MMP2: variants seen among roughly 807,000 people sequenced by gnomAD.
MMP2 encodes matrix metallopeptidase 2, also known as 72 kDa type IV collagenase.
MMP2 carries 39 observed loss-of-function variants against 74.8 expected under a neutral mutation model. That is an observed-to-expected ratio of 0.52 (90% confidence interval 0.40 to 0.68). MMP2 has a LOEUF of 0.68. Ranked by LOEUF, MMP2 falls within the 30% of genes least tolerant of loss-of-function variation. The probability of loss-of-function intolerance (pLI) is 0.00; values close to 1 mark genes in which losing one functional copy is unlikely to be tolerated. For missense variants in MMP2, 803 were observed against 878.3 expected, an observed-to-expected ratio of 0.91 and a Z score of 1.08; for synonymous variants, 367 against 339.8, an observed-to-expected ratio of 1.08 and a Z score of -0.88.
rs1962315500 is a variant in MMP2, at chr16:55,488,546, T to C, written c.836T>C (p.Leu279Pro). The C allele has an allele frequency of 6.2e-7, 1 of 1,613,658 alleles. No homozygotes were observed. The highest frequency in any genetic ancestry group is 1.1e-5 in the South Asian group (1 of 90,928). The change falls in exon 6 of 13, where the codon CTG becomes CCG. Residue 279 changes from leucine to proline, a missense_variant. Coordinates refer to ENST00000219070, the MANE Select transcript of MMP2 (RefSeq NM_004530.6). The part of the protein sequence containing the change: ...GKYGFCPHEA[L>P]FTMGGNAEGQ... Reference sequence around the variant, plus strand: ...TCCCTCTCTCCCCCACCCTTAGCCCTGTTCACCATGGGCGGCAACGCTGAA... The same window carrying C: ...TCCCTCTCTCCCCCACCCTTAGCCCCGTTCACCATGGGCGGCAACGCTGAA...
chr16:55,490,051 A>G (rs1287093008), intron 7 of MMP2, among the ~76,000 whole-genome samples: 5 of 152,160 alleles, frequency 3.3e-5, no homozygotes, highest in African/African-American at 1.2e-4. Flanking sequence ...CTCCAAAATC[A>G]GACCCTGGTA....
chr16:55,502,925 C>G (rs778904620), intron 12 of MMP2, 37 bp downstream of exon 12: 2 of 1,533,534 alleles, frequency 1.3e-6, no homozygotes, highest in South Asian at 2.2e-5. Context: ...TTCTAGGACT[C>G]CCCGCCCCTA....
intron 1 of MMP2, 74 bp from the exon 2 acceptor site, chr16:55,482,835 G>C: frequency 1.5e-6 from 2 of 1,300,612 alleles, no homozygotes; most frequent in Non-Finnish European, 1.1e-6. Flanking sequence ...GGGGCTGATT[G>C]CTACAGCCTG....
intron 12 of MMP2, among the ~76,000 whole-genome samples, chr16:55,503,881 C>T (rs1962730207): frequency 6.6e-6 from 1 of 152,122 alleles, no homozygotes; most frequent in Non-Finnish European, 1.5e-5. Context: ...AGGCAGCTGC[C>T]ATGGTTCACA....
chr16:55,490,796 A>C (rs1962385947), intron 7 of MMP2, among the ~76,000 whole-genome samples: 1 of 152,192 alleles, frequency 6.6e-6, no homozygotes, highest in South Asian at 2.1e-4. Flanking sequence ...TTACCAGCTT[A>C]AAGGTGGGAT....
intron 1 of MMP2, among the ~76,000 whole-genome samples, 187 bp from the exon 2 acceptor site, chr16:55,482,722 C>T (rs752172789): frequency 6.6e-6 from 1 of 152,214 alleles, no homozygotes; most frequent in Non-Finnish European, 1.5e-5. Context: ...TATGTCCTGT[C>T]GCTCAACTAA....
At chr16:55,505,279 C>A in intron 12 of MMP2, 60 bp from the exon 13 acceptor site, 1 of 1,406,668 alleles carries the variant, frequency 7.1e-7, no homozygotes, top group Non-Finnish European at 1.0e-6. Flanking sequence ...TTCCCAGGAA[C>A]CTTCTGTGTG....
rs750057711 is a variant in MMP2 at position 55,493,153 on chromosome 16, C to T, written c.1337-5C>T. The T allele has an allele frequency of 1.9e-6, 3 of 1,613,324 alleles. No homozygotes were observed. The highest frequency in any genetic ancestry group is 1.7e-5 in the Admixed American group (1 of 60,002). ...AGAGAGTCTAAGGTCAGGTGTTCTC[C>T]CCAGGGGCCTCTCCTGACATTGACC... On this transcript the variant is annotated splice_region_variant and splice_polypyrimidine_tract_variant and intron_variant, in intron 8 of 12. Transcript: ENST00000219070.
intron 5 of MMP2, 142 bp downstream of exon 5, chr16:55,485,919 G>A: frequency 2.4e-6 from 2 of 824,490 alleles, no homozygotes; most frequent in Non-Finnish European, 4.0e-6. Flanking sequence ...CCTTCACTCA[G>A]TTCCCCCCCA....
chr16:55,486,346 CCTGTGT>C (rs749671772), intron 5 of MMP2, among the ~76,000 whole-genome samples: 7,127 of 43,724 alleles, frequency 0.16, 195 homozygotes, highest in East Asian at 0.28. Context: ...TGTGTGTGTG[CCTGTGT>C]GTGTGTGTGT....
chr16:55,498,509 C>T, intron 11 of MMP2, 61 bp downstream of exon 11: 1 of 1,609,134 alleles, frequency 6.2e-7, no homozygotes. Context: ...GAGAAGCCGC[C>T]CTGAGGCTTC....
chr16:55,479,776 A>G (rs1962050768), intron 1 of MMP2, 144 bp downstream of exon 1: 1 of 1,009,770 alleles, frequency 9.9e-7, no homozygotes, highest in Non-Finnish European at 1.5e-6. Flanking sequence ...GTCTTTGGCA[A>G]GCTATTGGAG....
Position 55,483,978 on chromosome 16 carries a change from C to T in MMP2, c.381-38C>T, listed in dbSNP as rs28730813. On this transcript the variant is annotated intron_variant, in intron 2 of 12. Transcript: ENST00000219070. ...ACTTGCATATACATACACTTATGCA[C>T]ATGCATACACACTCACATGCAGTTC... 1.8e-4 allele frequency: 286 copies of T among 1,597,064 alleles called. No homozygotes were observed. In the African/African-American group the frequency reaches 3.1e-3, roughly 18 times the overall value.
At chr16:55,487,311 A>G (rs2142351751) in intron 5 of MMP2, 1 of 152,456 alleles carries the variant, frequency 6.6e-6, no homozygotes, top group East Asian at 1.9e-4. Context: ...GATTCTTGCC[A>G]TCCTTGTCAG....
intron 8 of MMP2, 31 bp downstream of exon 8, chr16:55,491,987 G>T: frequency 6.9e-7 from 1 of 1,454,280 alleles, no homozygotes. Context: ...TGGGGGTGGA[G>T]GGTGAGGAGG....
At chr16:55,496,816 C>A in intron 9 of MMP2, 110 bp from the exon 10 acceptor site, 1 of 1,452,398 alleles carries the variant, frequency 6.9e-7, no homozygotes, top group South Asian at 1.2e-5. Flanking sequence ...CTCCCACTCC[C>A]ATCATGGAAT....
chr16:55,501,298 G>A (rs1385039556), intron 11 of MMP2, among the ~76,000 whole-genome samples: 1 of 152,212 alleles, frequency 6.6e-6, no homozygotes, highest in Non-Finnish European at 1.5e-5. Flanking sequence ...ACACCACAGT[G>A]CTTGTATTCT....
intron 10 of MMP2, among the ~76,000 whole-genome samples, chr16:55,497,771 C>A (rs1211781421): frequency 6.6e-6 from 1 of 152,134 alleles, no homozygotes; most frequent in South Asian, 2.1e-4. Context: ...GCTCTGCCTT[C>A]GCGATGCTCA....
At chr16:55,497,781 A>G (rs9936955) in intron 10 of MMP2, among the ~76,000 whole-genome samples, 51,207 of 152,120 alleles carry the variant, frequency 0.34, 10,029 homozygotes, top group Non-Finnish European at 0.44. Context: ...CGCGATGCTC[A>G]CAAACCACTC....
Sources: allele counts gnomAD v4.1 joint callset (sites outside exome capture counted in the v4.1 genomes callset), GRCh38; gene constraint gnomAD v4.1.1; transcripts MANE v1.5; gene names NCBI Gene and HGNC (gene_info 2026-07-23, HGNC 2026-07-21).